The following DAGLB variants were observed in gnomAD, a reference collection of about 807,000 sequenced individuals.
DAGLB encodes diacylglycerol lipase-beta.
DAGLB carries 66 observed loss-of-function variants against 72.1 expected under a neutral mutation model. The observed-to-expected ratio is 0.92, with a 90% CI of 0.75 to 1.12. The LOEUF is 1.12. DAGLB is among the 50% of genes most tolerant of loss of function. The pLI, the probability that DAGLB is intolerant of heterozygous loss-of-function variation, is 0.00. For missense variants in DAGLB, 1,065 were observed against 884.9 expected (o/e 1.20, Z -2.58); for synonymous variants, 414 against 359.5 (o/e 1.15, Z -1.71).
At chr7:6,412,514 G>C (rs1380404744) in intron 13 of DAGLB, 1 of 392,238 alleles carries the variant, frequency 2.5e-6, no homozygotes. Flanking sequence ...TGCCCAGGTT[G>C]GCCTCAAGGG....
At chr7:6,445,406 AT>A (rs1458706463) in intron 2 of DAGLB, among the ~76,000 whole-genome samples, 1 of 152,210 alleles carries the variant, frequency 6.6e-6, no homozygotes, top group Non-Finnish European at 1.5e-5. Flanking sequence ...CACTTATATG[AT>A]GTCCACAATA....
intron 8 of DAGLB, among the ~76,000 whole-genome samples, chr7:6,424,439 G>A (rs749482324): frequency 5.9e-5 from 9 of 152,140 alleles, no homozygotes; most frequent in Non-Finnish European, 1.3e-4. Context: ...GAGGGCTCCC[G>A]GGTGTGGGGC....
In DAGLB at chr7:6,434,924, G is replaced by A. The variant is rs773202239; in HGVS notation, c.516C>T (p.His172=). The part of the protein sequence containing the change: ...MAPYSSAGPS[H]LDSHDSSQLL... ...ACTGGCTTGAATCATGACTATCCAG[G>A]TGGCTGGGGCCGGCAGAGGAATATG... The change falls in exon 4 of 15, where the codon CAC becomes CAT. Residue 172 remains histidine (H), a synonymous_variant. Coordinates refer to ENST00000297056, the MANE Select transcript of DAGLB (RefSeq NM_139179.4). 2 of 1,614,168 alleles carry A rather than the reference G, an allele frequency of 1.2e-6. No individual in the cohort carries two copies. The highest frequency in any genetic ancestry group is 8.5e-7 in the Non-Finnish European group (1 of 1,180,036).
At chr7:6,428,164 G>A (rs1260915897) in intron 6 of DAGLB, among the ~76,000 whole-genome samples, 1 of 151,956 alleles carries the variant, frequency 6.6e-6, no homozygotes. Context: ...GGCCAACACA[G>A]CGAAAACCTG....
rs1783677553 is a variant in DAGLB at position 6,410,312 on chromosome 7, C to T, written c.1638G>A (p.Glu546=). The change falls in exon 14 of 15, where the codon GAG becomes GAA. Residue 546 remains glutamate, a synonymous_variant. Coordinates refer to ENST00000297056, the MANE Select transcript of DAGLB (RefSeq NM_139179.4). ...FGGNPNNLPT[E]LDGGDQEVLT... ...GGACTTCCTGGTCGCCCCCGTCCAG[C>T]TCCGTGGGCAAGTTGTTGGGGTTTC... 1 of 1,614,108 alleles carries T rather than the reference C, an allele frequency of 6.2e-7. No individual in the cohort carries two copies. Among genetic ancestry groups the T allele is most frequent in the Non-Finnish European group, 8.5e-7 (1 of 1,180,018 alleles).
chr7:6,440,632 C>G (rs923367011), intron 2 of DAGLB, among the ~76,000 whole-genome samples: 2 of 152,146 alleles, frequency 1.3e-5, no homozygotes, highest in Non-Finnish European at 2.9e-5. Flanking sequence ...TGCAGTAGCT[C>G]ATGCCTGTAA....
chr7:6,417,038 C>T (rs836508), intron 9 of DAGLB, 117 bp from the exon 10 acceptor site: 567,611 of 1,188,670 alleles, frequency 0.48, 143,536 homozygotes, highest in East Asian at 0.81. Flanking sequence ...GGATCTGAGA[C>T]TGCAGAATCA....
chr7:6,430,582 TCTAATTCTGCATCCAGATCAGCTTCC>T lies in DAGLB; in HGVS notation c.802-1_826del. 6.2e-7 allele frequency: 1 copy of T among 1,603,696 alleles called. No homozygotes were observed. Among genetic ancestry groups the T allele is most frequent in the Middle Eastern group, 1.7e-4 (1 of 6,006 alleles). ...AAACTGCATGTAATGATGGCAGTTT[TCTAATTCTGCATCCAGATCAGCTTCC>T]TACAAGAGAAGGACAAAAACTACTG... is the stretch of plus-strand genomic sequence containing the variant. On this transcript the variant is annotated splice_acceptor_variant and coding_sequence_variant, in exon 6 of 15. Coordinates refer to ENST00000297056, the MANE Select transcript of DAGLB (RefSeq NM_139179.4). LOFTEE classifies it high-confidence loss of function.
At chr7:6,428,947 G>GGGT (rs1784396674) in intron 6 of DAGLB, among the ~76,000 whole-genome samples, 2 of 152,144 alleles carry the variant, frequency 1.3e-5, no homozygotes, top group Middle Eastern at 3.2e-3. Context: ...TGGGACTACA[G>GGGT]GTACACACTG....
intron 8 of DAGLB, chr7:6,422,335 T>G: frequency 4.1e-6 from 1 of 245,906 alleles, no homozygotes; most frequent in Non-Finnish European, 8.3e-6. Context: ...ACAGGCGGCG[T>G]CCTCCCAACA....
At chr7:6,414,041 C>T (rs533490054) in intron 11 of DAGLB, among the ~76,000 whole-genome samples, 15 of 152,280 alleles carry the variant, frequency 9.9e-5, no homozygotes, top group African/African-American at 2.6e-4. Context: ...GATGGAGTCT[C>T]GCTCTGTCTC....
At chr7:6,424,949 G>C in intron 7 of DAGLB, 114 bp from the exon 8 acceptor site, 4 of 1,014,114 alleles carry the variant, frequency 3.9e-6, no homozygotes, top group South Asian at 2.7e-5. Context: ...GCACAGAGAG[G>C]AGGGGACACC....
chr7:6,433,226 A>G (rs1004854909), intron 4 of DAGLB, among the ~76,000 whole-genome samples: 4 of 152,160 alleles, frequency 2.6e-5, no homozygotes, highest in Admixed American at 2.0e-4. Context: ...TGACTCAACT[A>G]TTTTTAATCT....
chr7:6,447,942 C>CA lies in DAGLB; in HGVS notation c.-101dup. ...ACGCCGCCACCAAATTATCGGCGCTCAAGCGCAAACGCAGCGAGGGCGGGG... is the reference window on the plus strand; with the variant it reads ...ACGCCGCCACCAAATTATCGGCGCTCAAAGCGCAAACGCAGCGAGGGCGGGG... On this transcript the variant is annotated 5_prime_UTR_variant, in exon 1 of 15. Coordinates refer to ENST00000297056, the MANE Select transcript of DAGLB (RefSeq NM_139179.4). The CA allele has an allele frequency of 1.4e-6, 2 of 1,459,208 alleles. No individual in the cohort carries two copies. The highest frequency in any genetic ancestry group is 9.0e-7 in the Non-Finnish European group (1 of 1,108,722). 90.4% of individuals were successfully genotyped at this position (1,459,208 alleles called of 1,614,324 possible).
At chr7:6,411,737 TAAA>T (rs1256528435) in intron 13 of DAGLB, among the ~76,000 whole-genome samples, 1 of 152,184 alleles carries the variant, frequency 6.6e-6, no homozygotes, top group African/African-American at 2.4e-5. Flanking sequence ...ATTAAACAAG[TAAA>T]AATCATCTCT....
chr7:6,424,784 C>T lies in DAGLB; in HGVS notation c.1108G>A (p.Val370Met). ...GACATGGTCCCCCTCACAGCGACCA[C>T]AACAGACTCTTTCCTGTGATCCAGA... ...VALDHRKESV[V>M]VAVRGTMSLQ... Residue 370 changes from valine (V) to methionine (M), a missense_variant, in exon 8 of 15, where the codon GTG becomes ATG. Val to Met is a conservative substitution (Grantham distance 21, BLOSUM62 1). Coordinates refer to ENST00000297056, the MANE Select transcript of DAGLB (RefSeq NM_139179.4). 1.9e-6 allele frequency: 3 copies of T among 1,613,906 alleles called. No homozygotes were observed. The highest frequency in any genetic ancestry group is 1.7e-6 in the Non-Finnish European group (2 of 1,179,876).
chr7:6,415,940 A>AGGGC (rs1290481027), intron 11 of DAGLB, among the ~76,000 whole-genome samples: 1 of 150,892 alleles, frequency 6.6e-6, no homozygotes, highest in East Asian at 2.0e-4. Context: ...GCCCCCCGAG[A>AGGGC]GGGCGGAGGG....
At chr7:6,428,442 G>C (rs836528) in intron 6 of DAGLB, among the ~76,000 whole-genome samples, 38,491 of 151,418 alleles carry the variant, frequency 0.25, 7,446 homozygotes, top group African/African-American at 0.54. Flanking sequence ...AATTCAGAGA[G>C]GGATAGGACA....
At chr7:6,434,721 G>C (rs1403827847) in intron 4 of DAGLB, 41 bp downstream of exon 4, 1 of 1,607,808 alleles carries the variant, frequency 6.2e-7, no homozygotes, top group Non-Finnish European at 8.5e-7. Context: ...AGCATTTACT[G>C]AAACAGAAGA....
Sources: gnomAD v4.1 joint callset for allele counts (sites outside exome capture counted in the v4.1 genomes callset) on GRCh38, gnomAD v4.1.1 for gene constraint, MANE v1.5 for transcripts, NCBI Gene and HGNC (gene_info 2026-07-23, HGNC 2026-07-21) for gene names.